Variants in BAZ1A observed in about 807,000 individuals in gnomAD.
BAZ1A encodes bromodomain adjacent to zinc finger domain protein 1A.
A neutral mutation model predicts 185.2 loss-of-function variants in BAZ1A; 50 were observed. The ratio of observed to expected loss-of-function variants is 0.27; its 90% confidence interval spans 0.22 to 0.34. The LOEUF is 0.34. Ranked by LOEUF, BAZ1A falls within the 10% of genes least tolerant of loss-of-function variation. BAZ1A has a pLI of 1.00. For synonymous variants in BAZ1A, 571 were observed against 615.6 expected, an observed-to-expected ratio of 0.93 and a Z score of 1.07; for missense variants, 1,356 against 1,839.9, an observed-to-expected ratio of 0.74 and a Z score of 4.81.
chr14:34,815,379 A>T (rs906776041), intron 4 of BAZ1A, among the ~76,000 whole-genome samples: 13 of 152,336 alleles, frequency 8.5e-5, no homozygotes, highest in South Asian at 6.2e-4. Context: ...TAATATTTTT[A>T]AAAAACTTAC....
At chr14:34,774,941 G>A (rs919137056) in intron 18 of BAZ1A, among the ~76,000 whole-genome samples, 6 of 152,216 alleles carry the variant, frequency 3.9e-5, no homozygotes, top group African/African-American at 1.4e-4. Context: ...TTGGCGGGGG[G>A]TAGTGGCTCA....
At chr14:34,776,864 C>G (rs1879657003) in intron 17 of BAZ1A, among the ~76,000 whole-genome samples, 2 of 152,124 alleles carry the variant, frequency 1.3e-5, no homozygotes, top group Non-Finnish European at 2.9e-5. Context: ...GACACCAACC[C>G]TGCTTGATCT....
Position 34,754,828 on chromosome 14 carries a change from T to C in BAZ1A, c.4473A>G (p.Ala1491=), listed in dbSNP as rs761987518. 6.5e-7 allele frequency: 1 copy of C among 1,548,418 alleles called. No homozygotes were observed. The highest frequency in any genetic ancestry group is 8.8e-7 in the Non-Finnish European group (1 of 1,137,220). The change falls in exon 26 of 27, where the codon GCA becomes GCG. Residue 1491 remains alanine (A), a splice_region_variant and synonymous_variant. Transcript: ENST00000360310. ...CAAAGAAAAACATAAATTACTTACA[T>C]GCTAATTTATATTCACACTTATTCA... ...EKVNKCEYKL[A]SEFIDDIELM...
At chr14:34,764,507 A>C (rs1594813318) in intron 23 of BAZ1A, among the ~76,000 whole-genome samples, 200 bp downstream of exon 23, 1 of 151,758 alleles carries the variant, frequency 6.6e-6, no homozygotes, top group African/African-American at 2.4e-5. Context: ...GGCCAGGCTG[A>C]TCTCGAACTC....
intron 20 of BAZ1A, among the ~76,000 whole-genome samples, chr14:34,772,109 C>T (rs536948805): frequency 9.2e-5 from 14 of 151,950 alleles, no homozygotes; most frequent in East Asian, 3.9e-4. Flanking sequence ...TGCCCACCAC[C>T]GTGCCCGGCT....
intron 9 of BAZ1A, among the ~76,000 whole-genome samples, chr14:34,796,710 AAT>A (rs1331301956): frequency 6.6e-6 from 1 of 152,226 alleles, no homozygotes. Context: ...AAGTATACTT[AAT>A]ATGTTATTAT....
intron 11 of BAZ1A, among the ~76,000 whole-genome samples, chr14:34,794,277 CA>C (rs1566565763): frequency 6.6e-6 from 1 of 152,110 alleles, no homozygotes; most frequent in South Asian, 2.1e-4. Flanking sequence ...AATGTTTATA[CA>C]AAGTAAAAGT....
intron 4 of BAZ1A, among the ~76,000 whole-genome samples, chr14:34,825,725 G>T (rs2042156979): frequency 6.6e-6 from 1 of 152,074 alleles, no homozygotes; most frequent in Non-Finnish European, 1.5e-5. Flanking sequence ...ATCACCTGAG[G>T]TCAGGAGTTT....
chr14:34,844,350 A>G (rs948714051), intron 3 of BAZ1A, among the ~76,000 whole-genome samples: 5 of 152,244 alleles, frequency 3.3e-5, no homozygotes, highest in African/African-American at 1.2e-4. Flanking sequence ...ACTGAAAACT[A>G]CTAAAACACT....
intron 3 of BAZ1A, among the ~76,000 whole-genome samples, chr14:34,829,678 C>T (rs2042212905): frequency 6.6e-6 from 1 of 152,110 alleles, no homozygotes; most frequent in African/African-American, 2.4e-5. Flanking sequence ...GTCAACAAAT[C>T]CAAAGTATTG....
intron 3 of BAZ1A, among the ~76,000 whole-genome samples, chr14:34,830,744 T>A (rs1172219660): frequency 6.6e-6 from 1 of 151,604 alleles, no homozygotes; most frequent in Non-Finnish European, 1.5e-5. Context: ...GCTGGAATTA[T>A]ATTTATGGTA....
intron 12 of BAZ1A, among the ~76,000 whole-genome samples, chr14:34,792,101 TGG>T (rs1880883926): frequency 6.6e-6 from 1 of 152,200 alleles, no homozygotes; most frequent in African/African-American, 2.4e-5. Context: ...AAGTATTTCC[TGG>T]TCAGGCGCAG....
At chr14:34,773,373 G>A (rs544244727) in intron 20 of BAZ1A, among the ~76,000 whole-genome samples, 199 bp downstream of exon 20, 1 of 150,424 alleles carries the variant, frequency 6.6e-6, no homozygotes, top group South Asian at 2.1e-4. Flanking sequence ...TTGTTTTTTG[G>A]TTGCATTAGT....
chr14:34,758,021 A>T (rs1278342184), intron 25 of BAZ1A, among the ~76,000 whole-genome samples: 1 of 150,402 alleles, frequency 6.6e-6, no homozygotes, highest in Non-Finnish European at 1.5e-5. Context: ...TGCTGGGATT[A>T]CAGGTGTGAG....
intron 4 of BAZ1A, among the ~76,000 whole-genome samples, chr14:34,823,082 G>A (rs538386358): frequency 2.0e-5 from 3 of 152,160 alleles, no homozygotes; most frequent in African/African-American, 7.2e-5. Context: ...GGCTGGGCAT[G>A]GTGGCTCACG....
chr14:34,789,843 C>T (rs1880725952), intron 12 of BAZ1A, among the ~76,000 whole-genome samples: 1 of 152,194 alleles, frequency 6.6e-6, no homozygotes, highest in Middle Eastern at 3.4e-3. Context: ...ACTTCTTTAC[C>T]GTATTATGAA....
intron 3 of BAZ1A, among the ~76,000 whole-genome samples, chr14:34,832,215 CATAT>C (rs796421959): frequency 5.6e-5 from 5 of 89,710 alleles, no homozygotes; most frequent in South Asian, 4.9e-4. Context: ...CACACACACA[CATAT>C]ATATATATAT....
At chr14:34,818,626 T>A (rs1321768838) in intron 4 of BAZ1A, among the ~76,000 whole-genome samples, 1 of 152,056 alleles carries the variant, frequency 6.6e-6, no homozygotes, top group Non-Finnish European at 1.5e-5. Flanking sequence ...AGAAAAAAAA[T>A]TCCAGAAATA....
intron 7 of BAZ1A, 119 bp downstream of exon 7, chr14:34,802,735 G>GT (rs1371669184): frequency 3.8e-6 from 4 of 1,041,222 alleles, no homozygotes; most frequent in Non-Finnish European, 5.4e-6. Flanking sequence ...ATACTTTTTG[G>GT]TGAGGTAATG....
Sources: gnomAD v4.1 joint callset for allele counts (sites outside exome capture counted in the v4.1 genomes callset) on GRCh38, gnomAD v4.1.1 for gene constraint, MANE v1.5 for transcripts, NCBI Gene and HGNC (gene_info 2026-07-23, HGNC 2026-07-21) for gene names.